Variants in C12orf42 observed in about 807,000 individuals in gnomAD.
C12orf42 encodes the protein uncharacterized protein C12orf42.
A neutral mutation model predicts 21.6 loss-of-function variants in C12orf42; 25 were observed. The ratio of observed to expected loss-of-function variants is 1.16; its 90% CI spans 0.84 to 1.62. The LOEUF (loss-of-function observed/expected upper bound fraction) is 1.62, where lower values mean the gene tolerates loss of function less well. C12orf42 is among the 40% of genes most tolerant of loss of function. The pLI is 0.00. For synonymous variants in C12orf42, 174 were observed against 175.0 expected, an observed-to-expected ratio of 0.99 and a Z score of 0.05; for missense variants, 483 against 459.3, an observed-to-expected ratio of 1.05 and a Z score of -0.47.
the C12orf42 span, among the ~76,000 whole-genome samples, chr12:103,083,683 C>T: frequency 6.6e-6 from 1 of 152,176 alleles, no homozygotes; most frequent in Non-Finnish European, 1.5e-5. Flanking sequence ...GAAACTTCTA[C>T]CTACCAAAAT....
chr12:103,359,014 C>T (rs2043838227), intron 4 of C12orf42, among the ~76,000 whole-genome samples: 1 of 152,014 alleles, frequency 6.6e-6, no homozygotes, highest in African/African-American at 2.4e-5. Context: ...TCAAATCACG[C>T]TACTCTTTTC....
chr12:103,421,618 A>AATAAATAT (rs1555293332), intron 2 of C12orf42, among the ~76,000 whole-genome samples: 2 of 149,408 alleles, frequency 1.3e-5, no homozygotes, highest in Non-Finnish European at 3.0e-5. Context: ...TAAATAAATA[A>AATAAATAT]ATATCAGCAT....
chr12:103,467,604 G>T (rs191774056), intron 2 of C12orf42, among the ~76,000 whole-genome samples: 89 of 152,268 alleles, frequency 5.8e-4, no homozygotes, highest in Non-Finnish European at 1.0e-3. Flanking sequence ...TTGGGCCAAC[G>T]CACTTCAGTA....
chr12:103,501,261 T>G, the C12orf42 span, among the ~76,000 whole-genome samples: 2 of 152,202 alleles, frequency 1.3e-5, no homozygotes, highest in Admixed American at 1.3e-4. Flanking sequence ...AAAGGAGGTT[T>G]GAGCAATTCA....
At chr12:103,511,446 C>A in the C12orf42 span, among the ~76,000 whole-genome samples, 141 of 151,220 alleles carry the variant, frequency 9.3e-4, no homozygotes, top group African/African-American at 3.3e-3. Flanking sequence ...ATATGTATAC[C>A]ATGTGTCTAT....
At chr12:103,453,236 A>G (rs1952067688) in intron 2 of C12orf42, among the ~76,000 whole-genome samples, 1 of 151,210 alleles carries the variant, frequency 6.6e-6, no homozygotes, top group African/African-American at 2.4e-5. Flanking sequence ...TTCTTAGATT[A>G]TTATTTATCT....
intron 4 of C12orf42, among the ~76,000 whole-genome samples, chr12:103,330,929 T>C (rs2137048543): frequency 6.6e-6 from 1 of 152,330 alleles, no homozygotes; most frequent in African/African-American, 2.4e-5. Context: ...ATATTTATCT[T>C]ACAAAAGTAC....
At chr12:103,311,705 C>T (rs929015601) in intron 4 of C12orf42, among the ~76,000 whole-genome samples, 6 of 152,202 alleles carry the variant, frequency 3.9e-5, no homozygotes, top group South Asian at 4.2e-4. Context: ...CTTTTTGTTA[C>T]GTGACACATC....
the C12orf42 span, among the ~76,000 whole-genome samples, chr12:103,143,941 T>G: frequency 6.6e-6 from 1 of 152,230 alleles, no homozygotes; most frequent in African/African-American, 2.4e-5. Context: ...CTACGACTGC[T>G]GCTAATCATC....
chr12:103,391,878 T>G (rs2047113369), intron 3 of C12orf42, among the ~76,000 whole-genome samples: 2 of 152,148 alleles, frequency 1.3e-5, no homozygotes, highest in Admixed American at 6.5e-5. Flanking sequence ...TATGCTTTTG[T>G]GTCATATTTA....
At chr12:103,322,956 C>T (rs2040330891) in intron 4 of C12orf42, among the ~76,000 whole-genome samples, 1 of 152,132 alleles carries the variant, frequency 6.6e-6, no homozygotes, top group Non-Finnish European at 1.5e-5. Context: ...ATATTTCCTA[C>T]TGGTTATAAA....
intron 4 of C12orf42, among the ~76,000 whole-genome samples, chr12:103,285,282 A>G (rs1451437343): frequency 6.6e-6 from 1 of 152,348 alleles, no homozygotes; most frequent in East Asian, 1.9e-4. Context: ...ATTCATGAAG[A>G]TCTACTCTGT....
chr12:103,092,362 G>GA, the C12orf42 span, among the ~76,000 whole-genome samples: 1 of 152,080 alleles, frequency 6.6e-6, no homozygotes, highest in Non-Finnish European at 1.5e-5. Flanking sequence ...TGCACGGGGG[G>GA]AAAAAACAGC....
chr12:103,120,263 T>C, the C12orf42 span, among the ~76,000 whole-genome samples: 1 of 152,138 alleles, frequency 6.6e-6, no homozygotes, highest in African/African-American at 2.4e-5. Context: ...TAAGACATAA[T>C]AGAAGCATAG....
At chr12:103,089,683 G>A in the C12orf42 span, among the ~76,000 whole-genome samples, 1 of 151,766 alleles carries the variant, frequency 6.6e-6, no homozygotes, top group Non-Finnish European at 1.5e-5. Flanking sequence ...TTGATTCATA[G>A]TGAAATTAAT....
At chr12:103,478,850 C>G (rs574488310) in intron 1 of C12orf42, among the ~76,000 whole-genome samples, 1 of 152,128 alleles carries the variant, frequency 6.6e-6, no homozygotes, top group African/African-American at 2.4e-5. Flanking sequence ...TATAGACATG[C>G]AATTTAATTT....
chr12:103,410,922 T>C (rs2048798679), intron 2 of C12orf42, among the ~76,000 whole-genome samples: 1 of 152,210 alleles, frequency 6.6e-6, no homozygotes, highest in Non-Finnish European at 1.5e-5. Flanking sequence ...GTCATCTCTA[T>C]TTAGATAAAA....
chr12:103,051,754 T>C, the C12orf42 span, among the ~76,000 whole-genome samples: 244 of 152,256 alleles, frequency 1.6e-3, 2 homozygotes, highest in East Asian at 0.037. Flanking sequence ...GCTCCATCAG[T>C]CTGCTTCCTA....
the C12orf42 span, among the ~76,000 whole-genome samples, chr12:103,109,971 G>T: frequency 6.6e-6 from 1 of 152,136 alleles, no homozygotes; most frequent in Non-Finnish European, 1.5e-5. Flanking sequence ...TAAAGCAACA[G>T]TGAGACAATG....
Sources: allele counts gnomAD v4.1 joint callset (sites outside exome capture counted in the v4.1 genomes callset), GRCh38; gene constraint gnomAD v4.1.1; transcripts MANE v1.5; gene names NCBI Gene and HGNC (gene_info 2026-07-23, HGNC 2026-07-21).